Variants in TNRC18 observed in about 807,000 individuals in gnomAD.
TNRC18 encodes the protein trinucleotide repeat containing 18.
TNRC18 carries 69 observed loss-of-function variants against 226.7 expected under a neutral mutation model. The ratio of observed to expected loss-of-function variants is 0.30; its 90% CI spans 0.25 to 0.37. TNRC18 has a LOEUF of 0.37. Among genes scored for constraint, TNRC18 ranks in the 10% least tolerant of loss-of-function variants. The pLI is 1.00. For synonymous variants in TNRC18, 2,449 were observed against 1,927.6 expected (o/e 1.27, Z -7.09); for missense variants, 4,754 against 4,256.6 (o/e 1.12, Z -3.25).
chr7:5,403,349 G>C (rs562032847), intron 2 of TNRC18, among the ~76,000 whole-genome samples: 2 of 152,050 alleles, frequency 1.3e-5, no homozygotes, highest in Non-Finnish European at 2.9e-5. Context: ...TAGTAGAGAC[G>C]GGGTTTCTCC....
chr7:5,314,956 C>T, intron 26 of TNRC18, 28 bp downstream of exon 26: 1 of 1,591,590 alleles, frequency 6.3e-7, no homozygotes, highest in Non-Finnish European at 8.5e-7. Flanking sequence ...CCGCCCACCG[C>T]CCTGCCCTGG....
At chr7:5,400,395 AG>A (rs1781001233) in intron 2 of TNRC18, among the ~76,000 whole-genome samples, 2 of 151,914 alleles carry the variant, frequency 1.3e-5, no homozygotes, top group Admixed American at 1.3e-4. Flanking sequence ...GGATCACCTG[AG>A]GTCAGGGGTT....
In TNRC18 at chr7:5,394,352, G is replaced by T. The variant is rs779736778; in HGVS notation, c.343+88C>A. On this transcript the variant is annotated intron_variant, in intron 3 of 29. Transcript: ENST00000430969. The surrounding 1 kb of genome is among the most constrained non-coding windows in gnomAD (Gnocchi z 4.5). ...TGGGACCCACCAGCCCCAGCTCAGC[G>T]ATGACAACAGAGGGGCACATGAAGT... 3 of 1,293,882 alleles carry T rather than the reference G, an allele frequency of 2.3e-6. No homozygotes were observed. The African/African-American group carries it at 4.7e-5, about 20-fold the overall frequency. The allele number at this position is 1,293,882 out of a possible 1,614,324, so 80.2% of individuals were successfully genotyped here.
Position 5,394,444 on chromosome 7 carries a change from A to G in TNRC18, c.339T>C (p.His113=), listed in dbSNP as rs746331408. 287 of 1,539,936 alleles carry G rather than the reference A, an allele frequency of 1.9e-4. 1 individual carries two copies. The highest frequency in any genetic ancestry group is 3.0e-4 in the South Asian group (25 of 82,858). Residue 113 remains histidine (H), a synonymous_variant, in exon 3 of 30, where the codon CAT becomes CAC. Coordinates refer to ENST00000430969, the MANE Select transcript of TNRC18 (RefSeq NM_001080495.3). This position sits in a 1 kb window ranked among gnomAD's most constrained non-coding sequence, Gnocchi z 4.5. ...PMVQLWAAHA[H]EGFSHLPSGL... is the part of the protein sequence containing the mutation. ...CGACCCCGGCATGTTCCTTACCTTC[A>G]TGGGCGTGGGCGGCCCACAGCTGCA...
chr7:5,389,357 G>A (rs1330832362), intron 4 of TNRC18, 21 bp from the exon 5 acceptor site: 19 of 1,251,640 alleles, frequency 1.5e-5, no homozygotes, highest in Non-Finnish European at 1.9e-5. Flanking sequence ...GGGAACAGCA[G>A]GCAGTGAGCG....
At chr7:5,323,859 C>G (rs1301768742) in intron 21 of TNRC18, among the ~76,000 whole-genome samples, 4 of 152,160 alleles carry the variant, frequency 2.6e-5, no homozygotes, top group Non-Finnish European at 4.4e-5. Flanking sequence ...TGGGCCACCA[C>G]GCTCGGCCCA....
At chr7:5,408,519 G>A (rs773070281) in intron 2 of TNRC18, among the ~76,000 whole-genome samples, 23 of 151,628 alleles carry the variant, frequency 1.5e-4, no homozygotes, top group Non-Finnish European at 2.7e-4. Flanking sequence ...GTGGCAGCGC[G>A]TGCAGCTACT....
rs562361104 is a variant in TNRC18, at chr7:5,360,876, G to A, written c.4661+718C>T. ...CACTGCCTCTCCTGTGCCCTCCGAAGGTCCCCCCACGCTCCTTCTGCTTCC... is the reference window on the plus strand; with the variant it reads ...CACTGCCTCTCCTGTGCCCTCCGAAAGTCCCCCCACGCTCCTTCTGCTTCC... On this transcript the variant is annotated intron_variant, in intron 14 of 29. Transcript: ENST00000430969. Among the ~76,000 whole-genome samples, 8 of 152,232 alleles carry A rather than the reference G, an allele frequency of 5.3e-5. No homozygotes were observed. In the South Asian group the frequency reaches 1.2e-3, roughly 24 times the overall value.
chr7:5,376,981 G>C lies in TNRC18; in HGVS notation c.2474C>G (p.Pro825Arg). 1.3e-6 allele frequency: 2 copies of C among 1,582,390 alleles called. No individual in the cohort carries two copies. Among genetic ancestry groups the C allele is most frequent in the Non-Finnish European group, 1.7e-6 (2 of 1,164,596 alleles). Residue 825 changes from proline (P) to arginine (R), a missense_variant, in exon 8 of 30, where the codon CCA (proline) becomes CGA (arginine). Transcript: ENST00000430969. ...LAGHPYGLGP[P>R]SLHQGMAPAF... Reference sequence around the variant, plus strand: ...AGGGGCCATGCCCTGGTGCAGAGATGGGGGACCCAAGCCTAGGAGGAGAAG... The same window carrying C: ...AGGGGCCATGCCCTGGTGCAGAGATCGGGGACCCAAGCCTAGGAGGAGAAG...
At chr7:5,380,457 G>A (rs1261394129) in intron 5 of TNRC18, among the ~76,000 whole-genome samples, 1 of 152,194 alleles carries the variant, frequency 6.6e-6, no homozygotes, top group East Asian at 1.9e-4. Context: ...GCAGGAAGGT[G>A]GGAACCCACC....
rs1411949703 is a variant in TNRC18, at chr7:5,371,354, G to C, written c.3240C>G (p.Pro1080=). 2 of 1,509,388 alleles carry C rather than the reference G, an allele frequency of 1.3e-6. No homozygotes were observed. The highest frequency in any genetic ancestry group is 4.4e-5 in the Admixed American group (2 of 45,884). 93.5% of individuals were successfully genotyped at this position (1,509,388 alleles called of 1,614,324 possible). Residue 1080 remains proline, a synonymous_variant, in exon 11 of 30, where the codon CCC becomes CCG. Transcript: ENST00000430969. The part of the protein sequence containing the change: ...PFQALFSDIP[P]RYPFQALPPH... Reference sequence around the variant, plus strand: ...GTGGCAGGGCTTGGAACGGGTACCTGGGCGGGATATCTGCCAAGGACACAG... The same window carrying C: ...GTGGCAGGGCTTGGAACGGGTACCTCGGCGGGATATCTGCCAAGGACACAG...
At chr7:5,419,848 A>T (rs1782435639) in intron 2 of TNRC18, 1 of 152,286 alleles carries the variant, frequency 6.6e-6, no homozygotes, top group Non-Finnish European at 1.5e-5. Context: ...GAGAGAGCAA[A>T]ATCGGCGAGC....
intron 18 of TNRC18, among the ~76,000 whole-genome samples, chr7:5,339,321 T>A (rs1043586842): frequency 4.6e-5 from 7 of 150,778 alleles, no homozygotes; most frequent in Non-Finnish European, 8.8e-5. Flanking sequence ...CTCACTGCAA[T>A]CTCCGCCTCC....
chr7:5,375,270 C>T (rs535610881), intron 9 of TNRC18, among the ~76,000 whole-genome samples: 28 of 152,290 alleles, frequency 1.8e-4, no homozygotes, highest in Admixed American at 1.6e-3. Context: ...GATAGTACCA[C>T]TGCACTCCAG....
chr7:5,377,339 A>AG lies in TNRC18; in HGVS notation c.2461+31dup. The AG allele has an allele frequency of 1.3e-6, 1 of 781,110 alleles. No homozygotes were observed. The highest frequency in any genetic ancestry group is 1.9e-6 in the Non-Finnish European group (1 of 518,522). The allele number at this position is 781,110 out of a possible 1,614,324, so 48.4% of individuals were successfully genotyped here. A position where few individuals can be genotyped will look rare whatever the true frequency, so the allele number is the denominator to read the frequency against. On this transcript the variant is annotated intron_variant, in intron 7 of 29. Coordinates refer to ENST00000430969, the MANE Select transcript of TNRC18 (RefSeq NM_001080495.3). This position sits in a 1 kb window ranked among gnomAD's most constrained non-coding sequence, Gnocchi z 5.8. ...CCGCCCCCTCCCACCCCTCCCTCAG[A>AG]GAAGGGGAGAGACCCTGTGCCCCAC...
intron 1 of TNRC18, among the ~76,000 whole-genome samples, chr7:5,421,740 C>T (rs1486715754): frequency 5.3e-5 from 8 of 152,316 alleles, no homozygotes; most frequent in Non-Finnish European, 1.2e-4. Flanking sequence ...GCGCGCTGCG[C>T]CCCAGCCCGG....
intron 2 of TNRC18, 54 bp downstream of exon 2, chr7:5,421,006 G>A (rs1442494455): frequency 5.8e-6 from 9 of 1,543,508 alleles, no homozygotes; most frequent in South Asian, 1.2e-5. Flanking sequence ...GGACCCGGCC[G>A]AGTGGATCTC....
intron 5 of TNRC18, among the ~76,000 whole-genome samples, chr7:5,382,551 G>C (rs1045318006): frequency 6.9e-6 from 1 of 144,358 alleles, no homozygotes; most frequent in African/African-American, 2.9e-5. Flanking sequence ...GAAGCGGATC[G>C]GGGGGGAGTG....
At chr7:5,340,006 A>G (rs904417603) in intron 18 of TNRC18, among the ~76,000 whole-genome samples, 2 of 152,170 alleles carry the variant, frequency 1.3e-5, no homozygotes, top group South Asian at 2.1e-4. Context: ...AATTAGGTCA[A>G]TTAATAATCC....
Sources: allele counts gnomAD v4.1 joint callset (sites outside exome capture counted in the v4.1 genomes callset), GRCh38; gene constraint gnomAD v4.1.1; non-coding constraint Gnocchi (gnomAD v3.1); transcripts MANE v1.5; gene names NCBI Gene and HGNC (gene_info 2026-07-23, HGNC 2026-07-21).